Variants in NRG1 observed in about 807,000 individuals in gnomAD.
NRG1 encodes the protein neuregulin 1.
Under a neutral mutation model 63.8 loss-of-function variants are expected in NRG1, and 18 were observed. The ratio of observed to expected loss-of-function variants is 0.28; its 90% confidence interval spans 0.19 to 0.42. The LOEUF (loss-of-function observed/expected upper bound fraction) is 0.42. Ranked by LOEUF, NRG1 falls within the 10% of genes least tolerant of loss-of-function variation. NRG1 has a pLI of 1.00. For synonymous variants in NRG1, 302 were observed against 301.3 expected, an observed-to-expected ratio of 1.00 and a Z score of -0.02; for missense variants, 762 against 814.7, an observed-to-expected ratio of 0.94 and a Z score of 0.79.
At chr8:31,831,107 C>CT (rs535337906) in intron 1 of NRG1, among the ~76,000 whole-genome samples, 5,564 of 145,974 alleles carry the variant, frequency 0.038, 305 homozygotes, top group African/African-American at 0.13. Flanking sequence ...CCTCTTTCTT[C>CT]TTTTTTTTTT....
At chr8:31,788,887 G>A (rs1820427469) in intron 1 of NRG1, among the ~76,000 whole-genome samples, 1 of 152,170 alleles carries the variant, frequency 6.6e-6, no homozygotes, top group Non-Finnish European at 1.5e-5. Context: ...CTCTTATAGT[G>A]AGGCAGTATA....
intron 5 of NRG1, among the ~76,000 whole-genome samples, chr8:32,625,914 T>C (rs957155262): frequency 2.0e-5 from 3 of 151,732 alleles, no homozygotes; most frequent in Non-Finnish European, 4.4e-5. Flanking sequence ...TTGCCTCAGC[T>C]TCCCAAGTAG....
At chr8:32,178,539 G>A (rs1040194787) in intron 1 of NRG1, among the ~76,000 whole-genome samples, 5 of 152,208 alleles carry the variant, frequency 3.3e-5, no homozygotes, top group African/African-American at 1.2e-4. Context: ...GAACCCTGGA[G>A]GTGGAGGTTG....
intron 1 of NRG1, among the ~76,000 whole-genome samples, chr8:32,066,665 A>G (rs1368666018): frequency 1.3e-5 from 2 of 152,150 alleles, no homozygotes; most frequent in Non-Finnish European, 2.9e-5. Flanking sequence ...TGACTTGGCA[A>G]TGAGGACTCT....
intron 1 of NRG1, among the ~76,000 whole-genome samples, chr8:32,478,683 A>G (rs1191743594): frequency 6.6e-6 from 1 of 152,184 alleles, no homozygotes; most frequent in Non-Finnish European, 1.5e-5. Context: ...AGACCACATG[A>G]TGACAGCGGG....
chr8:32,152,117 G>C (rs1837565885), intron 1 of NRG1, among the ~76,000 whole-genome samples: 1 of 152,244 alleles, frequency 6.6e-6, no homozygotes, highest in Admixed American at 6.5e-5. Flanking sequence ...AAGTGTGCAT[G>C]TATTGTTCAG....
chr8:32,268,851 G>A (rs189852941), intron 1 of NRG1, among the ~76,000 whole-genome samples: 1 of 152,206 alleles, frequency 6.6e-6, no homozygotes, highest in African/African-American at 2.4e-5. Context: ...CTCCAGGGAA[G>A]CACGAAGGAC....
intron 6 of NRG1, among the ~76,000 whole-genome samples, chr8:32,738,152 A>T (rs955537840): frequency 1.3e-5 from 2 of 152,128 alleles, no homozygotes; most frequent in Non-Finnish European, 1.5e-5. Context: ...TGTGTCACAG[A>T]TCATCACAAT....
chr8:31,818,323 C>T (rs1214310707), intron 1 of NRG1, among the ~76,000 whole-genome samples: 1 of 152,114 alleles, frequency 6.6e-6, no homozygotes, highest in African/African-American at 2.4e-5. Flanking sequence ...TAAGCCTTCT[C>T]CCATCAAATA....
intron 1 of NRG1, among the ~76,000 whole-genome samples, chr8:31,806,017 A>T (rs1424027342): frequency 6.6e-6 from 1 of 152,152 alleles, no homozygotes; most frequent in Non-Finnish European, 1.5e-5. Context: ...ACTTTTAATA[A>T]AGACACATAA....
intron 1 of NRG1, among the ~76,000 whole-genome samples, chr8:32,511,363 A>ATGTGTG (rs201423145): frequency 9.7e-6 from 1 of 102,940 alleles, no homozygotes; most frequent in South Asian, 3.1e-4. Flanking sequence ...GTCGATATAT[A>ATGTGTG]TGTGTATATA....
At chr8:32,401,158 G>A (rs954981299) in intron 1 of NRG1, among the ~76,000 whole-genome samples, 3 of 152,078 alleles carry the variant, frequency 2.0e-5, no homozygotes, top group Admixed American at 1.3e-4. Flanking sequence ...GAGGGTGGGA[G>A]GAGGGAGAAG....
At chr8:32,428,430 C>G (rs1325637748) in intron 1 of NRG1, among the ~76,000 whole-genome samples, 1 of 151,622 alleles carries the variant, frequency 6.6e-6, no homozygotes, top group African/African-American at 2.4e-5. Flanking sequence ...AGTTCTAAAG[C>G]AGGGCTTCAT....
At chr8:32,093,290 G>A (rs1030252674) in intron 1 of NRG1, among the ~76,000 whole-genome samples, 1 of 152,180 alleles carries the variant, frequency 6.6e-6, no homozygotes, top group East Asian at 1.9e-4. Context: ...GGAGGGGCAG[G>A]CCACCCCTTC....
At chr8:32,534,629 G>A (rs1379113734) in intron 1 of NRG1, among the ~76,000 whole-genome samples, 1 of 152,028 alleles carries the variant, frequency 6.6e-6, no homozygotes, top group East Asian at 1.9e-4. Context: ...GCTTTTATTG[G>A]CTATTTATGG....
intron 1 of NRG1, among the ~76,000 whole-genome samples, chr8:32,262,386 C>A (rs1024179776): frequency 1.3e-5 from 2 of 152,036 alleles, no homozygotes; most frequent in African/African-American, 4.8e-5. Flanking sequence ...GAGACCCCCC[C>A]AAAAAATGCT....
chr8:32,691,488 C>T (rs1188427498), intron 5 of NRG1, among the ~76,000 whole-genome samples: 1 of 152,182 alleles, frequency 6.6e-6, no homozygotes, highest in Non-Finnish European at 1.5e-5. Flanking sequence ...CACATTTCTT[C>T]AAATTGCACT....
At chr8:32,006,947 A>G (rs1427356811) in intron 1 of NRG1, among the ~76,000 whole-genome samples, 3 of 151,960 alleles carry the variant, frequency 2.0e-5, no homozygotes, top group Non-Finnish European at 4.4e-5. Context: ...ATAGAGGCAG[A>G]CAATAAATAT....
chr8:32,743,593 TATAA>T (rs1826866036), intron 7 of NRG1, among the ~76,000 whole-genome samples: 1 of 145,904 alleles, frequency 6.9e-6, no homozygotes, highest in African/African-American at 2.5e-5. Flanking sequence ...TATATATATA[TATAA>T]AACTTAATAA....
Sources: allele counts gnomAD v4.1 joint callset (sites outside exome capture counted in the v4.1 genomes callset), GRCh38; gene constraint gnomAD v4.1.1; transcripts MANE v1.5; gene names NCBI Gene and HGNC (gene_info 2026-07-23, HGNC 2026-07-21).